Variants in SEC24A observed in about 807,000 individuals in gnomAD.
SEC24A encodes the protein protein transport protein Sec24A.
Under a neutral mutation model 129.4 loss-of-function variants are expected in SEC24A, and 93 were observed. The ratio of observed to expected loss-of-function variants is 0.72; its 90% CI spans 0.61 to 0.85. The LOEUF is 0.85. Among genes scored for constraint, SEC24A ranks in the 40% least tolerant of loss-of-function variants. SEC24A has a pLI of 0.00. For synonymous variants in SEC24A, 460 were observed against 467.3 expected (o/e 0.98, Z 0.20); for missense variants, 1,264 against 1,307.4 (o/e 0.97, Z 0.51).
At chr5:134,654,357 G>A (rs1026411310) in intron 1 of SEC24A, among the ~76,000 whole-genome samples, 3 of 151,774 alleles carry the variant, frequency 2.0e-5, no homozygotes, top group Admixed American at 1.3e-4. Context: ...GAGTAGCTGG[G>A]ACTACAGGCG....
rs1390423903 is a variant in SEC24A at position 134,686,790 on chromosome 5, T to G, written c.1492T>G (p.Leu498Val). Residue 498 changes from leucine to valine, a missense_variant and splice_region_variant, in exon 10 of 23, where the codon TTA becomes GTA. Coordinates refer to ENST00000398844, the MANE Select transcript of SEC24A (RefSeq NM_021982.3). ...IEFMAPSEYM[L>V]RPPQPPVYLF... Reference sequence around the variant, plus strand: ...CTTAACAAGATCTTTTTTTCTTCAGTTACGACCACCTCAGCCTCCAGTGTA... The same window carrying G: ...CTTAACAAGATCTTTTTTTCTTCAGGTACGACCACCTCAGCCTCCAGTGTA... 1.3e-6 allele frequency: 2 copies of G among 1,582,218 alleles called. No homozygotes were observed. The highest frequency in any genetic ancestry group is 3.6e-5 in the Admixed American group (2 of 54,888).
chr5:134,701,848 G>A (rs779074385), intron 15 of SEC24A, among the ~76,000 whole-genome samples: 3 of 152,084 alleles, frequency 2.0e-5, no homozygotes, highest in Non-Finnish European at 4.4e-5. Context: ...AAGCTTTGTG[G>A]TTAGCTTGCT....
chr5:134,692,530 T>G (rs1170477324), intron 11 of SEC24A, 72 bp from the exon 12 acceptor site: 6 of 758,850 alleles, frequency 7.9e-6, no homozygotes, highest in Non-Finnish European at 1.4e-5. Flanking sequence ...GTTAATTGCA[T>G]TAGTGTTATA....
chr5:134,709,023 T>A, intron 18 of SEC24A, 135 bp downstream of exon 18: 1 of 763,630 alleles, frequency 1.3e-6, no homozygotes, highest in Non-Finnish European at 2.1e-6. Flanking sequence ...CTGGGCAATA[T>A]GGTGAAACCT....
intron 15 of SEC24A, among the ~76,000 whole-genome samples, chr5:134,698,696 A>G (rs929497354): frequency 7.4e-5 from 11 of 149,416 alleles, no homozygotes; most frequent in African/African-American, 2.5e-4. Flanking sequence ...CAGTGACACA[A>G]TCTTGGCTAA....
chr5:134,653,016 A>G (rs867232941), intron 1 of SEC24A, among the ~76,000 whole-genome samples: 2 of 150,446 alleles, frequency 1.3e-5, no homozygotes, highest in South Asian at 2.1e-4. Flanking sequence ...CATATTAGCT[A>G]GGATGGTCTC....
chr5:134,656,897 T>G (rs976312069), intron 1 of SEC24A, among the ~76,000 whole-genome samples: 34 of 151,860 alleles, frequency 2.2e-4, no homozygotes, highest in African/African-American at 8.2e-4. Context: ...TCCTTGATCC[T>G]TGATCAAGTG....
At chr5:134,701,475 A>G (rs1191861930) in intron 15 of SEC24A, among the ~76,000 whole-genome samples, 2 of 151,042 alleles carry the variant, frequency 1.3e-5, no homozygotes, top group East Asian at 3.9e-4. Flanking sequence ...TATTTTGCAT[A>G]AACAGCTTTG....
intron 1 of SEC24A, among the ~76,000 whole-genome samples, chr5:134,657,826 C>A (rs995238926): frequency 2.0e-5 from 3 of 152,154 alleles, no homozygotes; most frequent in Non-Finnish European, 2.9e-5. Context: ...GTGCTCCCAC[C>A]TTGGCTTTTC....
At chr5:134,720,537 A>G (rs1012951465) in intron 20 of SEC24A, among the ~76,000 whole-genome samples, 3 of 152,198 alleles carry the variant, frequency 2.0e-5, no homozygotes, top group Non-Finnish European at 2.9e-5. Flanking sequence ...CTCATCAGGT[A>G]AATACTAATT....
upstream of SEC24A, chr5:134,648,712 G>A (rs1175813203): frequency 2.4e-5 from 4 of 165,850 alleles, no homozygotes; most frequent in African/African-American, 9.5e-5. Context: ...CGGCGCGGCG[G>A]CGGCTGCTGC....
chr5:134,723,871 G>A (rs1033376033), intron 22 of SEC24A, among the ~76,000 whole-genome samples: 1 of 152,068 alleles, frequency 6.6e-6, no homozygotes, highest in Non-Finnish European at 1.5e-5. Context: ...ATATATTTAT[G>A]GGGTACACTA....
intron 22 of SEC24A, 151 bp downstream of exon 22, chr5:134,723,821 A>T (rs1382790928): frequency 1.7e-6 from 1 of 577,218 alleles, no homozygotes; most frequent in Non-Finnish European, 3.1e-6. Context: ...GATTGGAAAT[A>T]CAGAACTTTT....
rs370722648 is a variant in SEC24A at position 134,698,036 on chromosome 5, A to T, written c.2245A>T (p.Met749Leu). The change falls in exon 15 of 23, where the codon ATG (methionine) becomes TTG (leucine). Residue 749 changes from methionine (M) to leucine (L), a missense_variant. By Grantham distance (15) the Met-to-Leu change is conservative. Coordinates refer to ENST00000398844, the MANE Select transcript of SEC24A (RefSeq NM_021982.3). ...LTRKIGFEAV[M>L]RIRCTKGLSI... ...TCGGAAGATTGGCTTTGAGGCAGTC[A>T]TGAGGATTCGGTGCACCAAAGGTAG... 1.9e-6 allele frequency: 3 copies of T among 1,611,492 alleles called. No homozygotes were observed. In the African/African-American group the frequency reaches 4.0e-5, roughly 22 times the overall value.
chr5:134,648,816 A>C lies in SEC24A; in HGVS notation c.-261A>C. 1 of 328,694 alleles carries C rather than the reference A, an allele frequency of 3.0e-6. No individual in the cohort carries two copies. Among genetic ancestry groups the C allele is most frequent in the East Asian group, 5.1e-5 (1 of 19,432 alleles). The allele number at this position is 328,694 out of a possible 1,614,324, so 20.4% of individuals were successfully genotyped here. A position where few individuals can be genotyped will look rare whatever the true frequency, so the allele number is the denominator to read the frequency against. ...GGCCAGGGCCTCCCTCCTTCTCTCT[A>C]GGTTTGGCTGCCGCCTTCTAGCCGG... On this transcript the variant is annotated 5_prime_UTR_variant, in exon 1 of 23. Coordinates refer to ENST00000398844, the MANE Select transcript of SEC24A (RefSeq NM_021982.3).
chr5:134,714,985 A>G (rs1437580923), intron 18 of SEC24A, 39 bp from the exon 19 acceptor site: 3 of 1,586,584 alleles, frequency 1.9e-6, no homozygotes, highest in Non-Finnish European at 2.6e-6. Context: ...TATTTTTAAA[A>G]TATATTCTTT....
At chr5:134,723,891 T>C (rs991902450) in intron 22 of SEC24A, among the ~76,000 whole-genome samples, 1 of 152,264 alleles carries the variant, frequency 6.6e-6, no homozygotes, top group African/African-American at 2.4e-5. Context: ...AATTTATTGA[T>C]ACATGTATAC....
chr5:134,680,283 CCA>C (rs1175334933), intron 8 of SEC24A, among the ~76,000 whole-genome samples: 1 of 152,136 alleles, frequency 6.6e-6, no homozygotes, highest in African/African-American at 2.4e-5. Context: ...ATGCCAGTAT[CCA>C]CAGTGTCTAT....
chr5:134,656,586 A>G (rs1468734662), intron 1 of SEC24A, among the ~76,000 whole-genome samples: 1 of 151,706 alleles, frequency 6.6e-6, no homozygotes, highest in South Asian at 2.1e-4. Context: ...GGTTCAAGCA[A>G]TTCTCCTGCC....
Sources: allele counts gnomAD v4.1 joint callset (sites outside exome capture counted in the v4.1 genomes callset), GRCh38; gene constraint gnomAD v4.1.1; transcripts MANE v1.5; gene names NCBI Gene and HGNC (gene_info 2026-07-23, HGNC 2026-07-21).